PTPRG: variants seen among roughly 807,000 people sequenced by gnomAD.
PTPRG encodes the protein protein tyrosine phosphatase receptor type G, also known as receptor-type tyrosine-protein phosphatase gamma.
Under a neutral mutation model 165.3 loss-of-function variants are expected in PTPRG, and 102 were observed. The ratio of observed to expected loss-of-function variants is 0.62; its 90% confidence interval spans 0.53 to 0.73. The LOEUF (loss-of-function observed/expected upper bound fraction) is 0.73, where lower values mean the gene tolerates loss of function less well. PTPRG is among the 30% of genes least tolerant of loss of function. PTPRG has a pLI of 0.00. For synonymous variants in PTPRG, 675 were observed against 669.5 expected (o/e 1.01, Z -0.13); for missense variants, 1,866 against 1,861.4 (o/e 1.00, Z -0.05).
At chr3:61,873,766 T>A (rs954300961) in intron 2 of PTPRG, among the ~76,000 whole-genome samples, 24 of 152,178 alleles carry the variant, frequency 1.6e-4, no homozygotes, top group Non-Finnish European at 1.9e-4. Flanking sequence ...GAATGATGAT[T>A]AAGTTCAGTT....
At chr3:61,693,308 T>C (rs1392774131) in intron 1 of PTPRG, among the ~76,000 whole-genome samples, 1 of 152,200 alleles carries the variant, frequency 6.6e-6, no homozygotes, top group African/African-American at 2.4e-5. Context: ...ATATATTTTA[T>C]GTAAGAGAAA....
chr3:61,845,100 T>C (rs2036770484), intron 2 of PTPRG, among the ~76,000 whole-genome samples: 1 of 152,214 alleles, frequency 6.6e-6, no homozygotes, highest in African/African-American at 2.4e-5. Context: ...TTCTTTTGGG[T>C]TTGTCACACT....
chr3:61,657,859 A>G lies in PTPRG; in HGVS notation c.86-91019A>G, dbSNP rs561860967. 1.1e-3 allele frequency among the ~76,000 whole-genome samples: 160 copies of G among 152,166 alleles called. 2 individuals carry two copies. Among genetic ancestry groups the G allele is most frequent in the Non-Finnish European group, 1.2e-3 (80 of 68,042 alleles). On this transcript the variant is annotated intron_variant, in intron 1 of 29. Coordinates refer to ENST00000474889, the MANE Select transcript of PTPRG (RefSeq NM_002841.4). ...TCTCTTTGTCCTTAAGTTGATCGATAGCAGGCATCAGCGGGGAAGATGCTT... is the reference window on the plus strand; with the variant it reads ...TCTCTTTGTCCTTAAGTTGATCGATGGCAGGCATCAGCGGGGAAGATGCTT...
chr3:61,760,231 C>G (rs537866675), intron 2 of PTPRG, among the ~76,000 whole-genome samples: 14 of 152,160 alleles, frequency 9.2e-5, no homozygotes, highest in African/African-American at 2.9e-4. Flanking sequence ...ATAATAATTC[C>G]TAGAATTGGT....
Position 61,801,508 on chromosome 3 carries a change from G to A in PTPRG, c.190+52526G>A, listed in dbSNP as rs561390481. 5.3e-5 allele frequency among the ~76,000 whole-genome samples: 8 copies of A among 152,094 alleles called. No homozygotes were observed. In the South Asian group the frequency reaches 1.5e-3, roughly 28 times the overall value. The stretch of plus-strand genomic sequence containing the variant: ...GAGGGGTGGAGGGGGGAAGAAAGGG[G>A]AGGAGAAGATGAGGGTGATGTCTAC... On this transcript the variant is annotated intron_variant, in intron 2 of 29. Transcript: ENST00000474889.
At chr3:61,847,922 G>C (rs1380613309) in intron 2 of PTPRG, among the ~76,000 whole-genome samples, 1 of 152,208 alleles carries the variant, frequency 6.6e-6, no homozygotes, top group Non-Finnish European at 1.5e-5. Flanking sequence ...ATTCTATATA[G>C]AGAGCTTCCC....
intron 2 of PTPRG, among the ~76,000 whole-genome samples, chr3:61,866,208 C>T (rs1464083282): frequency 2.0e-5 from 3 of 152,196 alleles, no homozygotes; most frequent in Non-Finnish European, 1.5e-5. Flanking sequence ...GTCTCAACTA[C>T]TTGCACAGGT....
chr3:61,990,617 G>A (rs979213566), intron 3 of PTPRG, among the ~76,000 whole-genome samples: 2 of 152,204 alleles, frequency 1.3e-5, no homozygotes, highest in African/African-American at 2.4e-5. Context: ...TAAGCTCTGG[G>A]ATGTTATATT....
intron 4 of PTPRG, among the ~76,000 whole-genome samples, chr3:62,038,274 C>G (rs1700014021): frequency 6.6e-6 from 1 of 152,120 alleles, no homozygotes; most frequent in African/African-American, 2.4e-5. Flanking sequence ...TAATGCAGGC[C>G]CACCTTCAAA....
intron 2 of PTPRG, among the ~76,000 whole-genome samples, chr3:61,986,138 G>A (rs1386465357): frequency 6.6e-6 from 1 of 152,046 alleles, no homozygotes; most frequent in African/African-American, 2.4e-5. Context: ...TAATATGATT[G>A]AATCATCATA....
chr3:61,724,115 C>T (rs1559575552), intron 1 of PTPRG, among the ~76,000 whole-genome samples: 1 of 151,174 alleles, frequency 6.6e-6, no homozygotes, highest in Non-Finnish European at 1.5e-5. Flanking sequence ...CGTCTGTAAC[C>T]CCAGCTACTT....
chr3:62,018,591 C>T (rs2041607819), intron 4 of PTPRG, among the ~76,000 whole-genome samples: 1 of 152,206 alleles, frequency 6.6e-6, no homozygotes, highest in South Asian at 2.1e-4. Flanking sequence ...ATTACTGCCT[C>T]TTCAAATGGT....
intron 2 of PTPRG, among the ~76,000 whole-genome samples, chr3:61,952,508 A>C (rs2039924384): frequency 6.6e-6 from 1 of 152,154 alleles, no homozygotes; most frequent in Non-Finnish European, 1.5e-5. Flanking sequence ...ATAATGGCTA[A>C]AATTACCATC....
rs567854037 is a variant in PTPRG, at chr3:62,016,950, T to G, written c.519+13453T>G. On this transcript the variant is annotated intron_variant, in intron 4 of 29. Transcript: ENST00000474889. Reference sequence around the variant, plus strand: ...CTTTCTTTTCTATTACCCAGTTTTATTTTCTTCATAGCATTCATCACTTTT... The same window carrying G: ...CTTTCTTTTCTATTACCCAGTTTTAGTTTCTTCATAGCATTCATCACTTTT... 1.7e-3 allele frequency among the ~76,000 whole-genome samples: 255 copies of G among 152,364 alleles called. 1 individual carries two copies. Among genetic ancestry groups the G allele is most frequent in the African/African-American group, 6.0e-3 (249 of 41,584 alleles).
intron 1 of PTPRG, among the ~76,000 whole-genome samples, chr3:61,703,602 C>A (rs1465244864): frequency 6.6e-6 from 1 of 152,178 alleles, no homozygotes; most frequent in Non-Finnish European, 1.5e-5. Context: ...CACTTAGTTT[C>A]TCCTGCCTCG....
At chr3:62,263,152 T>C (rs1221349162) in intron 17 of PTPRG, 4 of 364,934 alleles carry the variant, frequency 1.1e-5, no homozygotes, top group Admixed American at 9.4e-5. Context: ...TATTTTCACA[T>C]GAAGTGATGT....
At chr3:61,575,629 T>A in intron 1 of PTPRG, among the ~76,000 whole-genome samples, 1 of 127,128 alleles carries the variant, frequency 7.9e-6, no homozygotes. Flanking sequence ...TGAGATGGAG[T>A]CTCGCTTTGT....
chr3:61,754,417 A>G (rs2033564065), intron 2 of PTPRG, among the ~76,000 whole-genome samples: 2 of 152,192 alleles, frequency 1.3e-5, no homozygotes, highest in Non-Finnish European at 2.9e-5. Context: ...TCATATAAAC[A>G]TCTTGTTTTA....
At chr3:61,696,540 A>G (rs1245347250) in intron 1 of PTPRG, among the ~76,000 whole-genome samples, 1 of 152,140 alleles carries the variant, frequency 6.6e-6, no homozygotes, top group Admixed American at 6.5e-5. Context: ...CCACATGCTT[A>G]TTTGCAATGT....
Sources: gnomAD v4.1 joint callset for allele counts (sites outside exome capture counted in the v4.1 genomes callset) on GRCh38, gnomAD v4.1.1 for gene constraint, MANE v1.5 for transcripts, NCBI Gene and HGNC (gene_info 2026-07-23, HGNC 2026-07-21) for gene names.